Variants in NUDT3 observed in about 807,000 individuals in gnomAD.
NUDT3 encodes diphosphoinositol polyphosphate phosphohydrolase 1.
In NUDT3, 9 loss-of-function variants were observed where a neutral mutation model predicts 23.6. The observed-to-expected ratio is 0.38, with a 90% confidence interval of 0.23 to 0.66. NUDT3 has a LOEUF of 0.66. Ranked by LOEUF, NUDT3 falls within the 30% of genes least tolerant of loss-of-function variation. The pLI is 0.52. For synonymous variants in NUDT3, 86 were observed against 82.6 expected, an observed-to-expected ratio of 1.04 and a Z score of -0.22; for missense variants, 172 against 218.5, an observed-to-expected ratio of 0.79 and a Z score of 1.34.
At chr6:34,369,474 CA>C (rs1370076060) in intron 1 of NUDT3, among the ~76,000 whole-genome samples, 2 of 152,128 alleles carry the variant, frequency 1.3e-5, no homozygotes, top group Admixed American at 6.5e-5. Context: ...GATGGGGCTA[CA>C]ATGGTAAGCA....
chr6:34,327,125 ATAAG>A (rs993230051), intron 2 of NUDT3, among the ~76,000 whole-genome samples: 4 of 152,076 alleles, frequency 2.6e-5, no homozygotes, highest in African/African-American at 7.2e-5. Flanking sequence ...CAAATGATTG[ATAAG>A]GTCAAGCAAG....
chr6:34,354,805 A>G (rs948052849), intron 1 of NUDT3, among the ~76,000 whole-genome samples: 1 of 146,990 alleles, frequency 6.8e-6, no homozygotes, highest in East Asian at 2.0e-4. Context: ...TATATTTTAT[A>G]TTTGTATTTT....
intron 2 of NUDT3, among the ~76,000 whole-genome samples, chr6:34,330,409 A>C (rs1272799047): frequency 6.6e-6 from 1 of 152,196 alleles, no homozygotes; most frequent in Non-Finnish European, 1.5e-5. Context: ...AGTGATGATG[A>C]GCATTTTTTC....
At chr6:34,379,097 T>C (rs1764971518) in intron 1 of NUDT3, among the ~76,000 whole-genome samples, 1 of 152,204 alleles carries the variant, frequency 6.6e-6, no homozygotes, top group African/African-American at 2.4e-5. Flanking sequence ...TAGTTTTCTT[T>C]TCATTAGCAC....
In NUDT3 at chr6:34,288,657, G is replaced by C; in HGVS notation, c.*96C>G. 1 of 1,465,658 alleles carries C rather than the reference G, an allele frequency of 6.8e-7. No homozygotes were observed. 90.8% of individuals were successfully genotyped at this position (1,465,658 alleles called of 1,614,324 possible). A position where few individuals can be genotyped will look rare whatever the true frequency, so the allele number is the denominator to read the frequency against. ...TGCCCACCATGCCTTATTTGAAAGAGGAGGCCTGTGAGAAGTGGAAAGAGC... is the reference window on the plus strand; with the variant it reads ...TGCCCACCATGCCTTATTTGAAAGACGAGGCCTGTGAGAAGTGGAAAGAGC... On this transcript the variant is annotated 3_prime_UTR_variant, in exon 5 of 5. Coordinates refer to ENST00000607016, the MANE Select transcript of NUDT3 (RefSeq NM_006703.4).
intron 1 of NUDT3, among the ~76,000 whole-genome samples, chr6:34,342,524 C>T (rs1764304479): frequency 6.6e-6 from 1 of 152,152 alleles, no homozygotes; most frequent in Admixed American, 6.5e-5. Flanking sequence ...ATTCTCTTGG[C>T]CACATGAGAA....
At chr6:34,332,259 C>T (rs1435696380) in intron 2 of NUDT3, among the ~76,000 whole-genome samples, 4 of 151,996 alleles carry the variant, frequency 2.6e-5, no homozygotes, top group African/African-American at 4.8e-5. Flanking sequence ...TTACTATACT[C>T]TTATATTAAA....
intron 1 of NUDT3, among the ~76,000 whole-genome samples, chr6:34,379,022 T>C (rs1486799263): frequency 2.0e-5 from 3 of 152,162 alleles, no homozygotes; most frequent in East Asian, 3.9e-4. Flanking sequence ...TTCTCAGTCA[T>C]ACATCTTTAT....
intron 2 of NUDT3, among the ~76,000 whole-genome samples, chr6:34,304,207 C>A (rs1197060110): frequency 6.7e-6 from 1 of 148,412 alleles, no homozygotes; most frequent in African/African-American, 2.5e-5. Flanking sequence ...GAGCTGATTA[C>A]GCCACTGTAC....
chr6:34,343,397 A>AC (rs1764317899), intron 1 of NUDT3, among the ~76,000 whole-genome samples: 1 of 151,642 alleles, frequency 6.6e-6, no homozygotes, highest in Non-Finnish European at 1.5e-5. Context: ...AAAAAAAAAA[A>AC]AAAAAAATTA....
At chr6:34,391,900 G>T (rs931474977) in intron 1 of NUDT3, among the ~76,000 whole-genome samples, 7 of 152,026 alleles carry the variant, frequency 4.6e-5, no homozygotes, top group African/African-American at 1.2e-4. Context: ...TGACAACTGC[G>T]GAGCGGCCCT....
rs1763276359 is a variant in NUDT3, at chr6:34,281,376, A to G, written c.*7377T>C. 6.6e-6 allele frequency: 1 copy of G among 152,240 alleles called. No individual in the cohort carries two copies. Among genetic ancestry groups the G allele is most frequent in the South Asian group, 2.1e-4 (1 of 4,830 alleles). 9.4% of individuals were successfully genotyped at this position (152,240 alleles called of 1,614,324 possible). On this transcript the variant is annotated 3_prime_UTR_variant, in exon 5 of 5. Coordinates refer to ENST00000607016, the MANE Select transcript of NUDT3 (RefSeq NM_006703.4). ...CCACTTCCTCTCTCTGATACACCTA[A>G]GAAGGTGAGAGACACTAGCTTCAAT...
At chr6:34,296,694 C>T (rs1257977074) in intron 2 of NUDT3, among the ~76,000 whole-genome samples, 2 of 152,128 alleles carry the variant, frequency 1.3e-5, no homozygotes, top group Admixed American at 6.5e-5. Flanking sequence ...TATGTGCCAG[C>T]GATGTAACAG....
At chr6:34,351,208 A>AC (rs1461479104) in intron 1 of NUDT3, among the ~76,000 whole-genome samples, 1 of 124,320 alleles carries the variant, frequency 8.0e-6, no homozygotes, top group Non-Finnish European at 1.7e-5. Flanking sequence ...TAAAAAAAAA[A>AC]AAAAAAAAAA....
intron 1 of NUDT3, among the ~76,000 whole-genome samples, chr6:34,363,330 G>A: frequency 6.6e-6 from 1 of 152,094 alleles, no homozygotes; most frequent in East Asian, 1.9e-4. Flanking sequence ...AACAAGTACT[G>A]GCATTTAGTC....
chr6:34,355,305 G>C (rs73744887), intron 1 of NUDT3, among the ~76,000 whole-genome samples: 2,508 of 151,802 alleles, frequency 0.017, 70 homozygotes, highest in African/African-American at 0.058. Context: ...CTTTTTTTTA[G>C]TCTGTCAGTG....
chr6:34,351,215 A>AAAAAAAAAACAAAAAAAAAAAACC lies in NUDT3; in HGVS notation c.100-9244_100-9243insGGTTTTTTTTTTTTGTTTTTTTTT, dbSNP rs1561915116. Reference sequence around the variant, plus strand: ...CCCCTGCCTAAAAAAAAAAAAAAAAAAAAAAAAAAAACACTTTGGGAGGCC... The same window carrying AAAAAAAAAACAAAAAAAAAAAACC: ...CCCCTGCCTAAAAAAAAAAAAAAAAAAAAAAAAAACAAAAAAAAAAAACCAAAAAAAAAAACACTTTGGGAGGCC... On this transcript the variant is annotated intron_variant, in intron 1 of 4. Transcript: ENST00000607016. 1.3e-4 allele frequency among the ~76,000 whole-genome samples: 18 copies of AAAAAAAAAACAAAAAAAAAAAACC among 136,970 alleles called. 1 individual carries two copies. Among genetic ancestry groups the AAAAAAAAAACAAAAAAAAAAAACC allele is most frequent in the South Asian group, 7.1e-4 (3 of 4,240 alleles). The allele number at this position is 136,970 out of a possible 152,430, so 89.9% of individuals were successfully genotyped here.
rs1012302755 is a variant in NUDT3, at chr6:34,336,578, A to C, written c.210+5284T>G. Among the ~76,000 whole-genome samples the C allele has an allele frequency of 3.5e-4, 54 of 152,288 alleles. 1 individual carries two copies. The highest frequency in any genetic ancestry group is 3.4e-3 in the Middle Eastern group (1 of 294). On this transcript the variant is annotated intron_variant, in intron 2 of 4. Coordinates refer to ENST00000607016, the MANE Select transcript of NUDT3 (RefSeq NM_006703.4). ...GAAGGTTTTTAGTTTGATACAATCC[A>C]ATCTGTCTAAATTTGCTTTTGTTAC... is the stretch of plus-strand genomic sequence containing the variant.
At chr6:34,334,503 G>A (rs899010942) in intron 2 of NUDT3, among the ~76,000 whole-genome samples, 1 of 152,024 alleles carries the variant, frequency 6.6e-6, no homozygotes, top group Non-Finnish European at 1.5e-5. Flanking sequence ...GCCGGGCATG[G>A]TAGTGCACAC....
Sources: gnomAD v4.1 joint callset for allele counts (sites outside exome capture counted in the v4.1 genomes callset) on GRCh38, gnomAD v4.1.1 for gene constraint, MANE v1.5 for transcripts, NCBI Gene and HGNC (gene_info 2026-07-23, HGNC 2026-07-21) for gene names.